Variants in ERMARD observed in about 807,000 individuals in gnomAD.
The protein encoded by ERMARD is endoplasmic reticulum membrane-associated RNA degradation protein.
In ERMARD, 71 loss-of-function variants were observed where a neutral mutation model predicts 83.9. The ratio of observed to expected loss-of-function variants is 0.85; its 90% CI spans 0.70 to 1.03. ERMARD has a LOEUF of 1.03. Among genes scored for constraint, ERMARD ranks in the 50% least tolerant of loss-of-function variants. The pLI is 0.00. For missense variants in ERMARD, 838 were observed against 810.9 expected (o/e 1.03, Z -0.41); for synonymous variants, 284 against 298.6 (o/e 0.95, Z 0.50).
intron 2 of ERMARD, among the ~76,000 whole-genome samples, chr6:169,754,333 G>A (rs1428951342): frequency 1.3e-5 from 2 of 152,100 alleles, no homozygotes; most frequent in African/African-American, 2.4e-5. Context: ...ATTCTCTGTA[G>A]GAGTCATGTG....
Position 169,753,986 on chromosome 6 carries a change from A to G in ERMARD, c.129A>G (p.Glu43=), listed in dbSNP as rs759210576. 4 of 1,613,478 alleles carry G rather than the reference A, an allele frequency of 2.5e-6. No individual in the cohort carries two copies. The South Asian group carries it at 4.4e-5, about 18-fold the overall frequency. Reference sequence around the variant, plus strand: ...ATAGCATTGTAACTCAGAATGGTGAAGTATGCTGGAAAACAATCACAGACT... The same window carrying G: ...ATAGCATTGTAACTCAGAATGGTGAGGTATGCTGGAAAACAATCACAGACT... ...DINSIVTQNG[E]VCWKTITDCV... The change falls in exon 2 of 18, where the codon GAA becomes GAG. Residue 43 remains glutamate, a synonymous_variant. Coordinates refer to ENST00000366773, the MANE Select transcript of ERMARD (RefSeq NM_018341.3).
chr6:169,767,647 A>G (rs1245181198), intron 10 of ERMARD: 2 of 178,770 alleles, frequency 1.1e-5, no homozygotes, highest in African/African-American at 4.8e-5. Context: ...ACACACAGGC[A>G]TACACATACT....
intron 16 of ERMARD, among the ~76,000 whole-genome samples, chr6:169,778,587 A>G (rs187527711): frequency 1.4e-4 from 21 of 152,328 alleles, no homozygotes; most frequent in South Asian, 2.1e-4. Context: ...AAAGCTTTAC[A>G]TAGATATCGC....
Position 169,751,669 on chromosome 6 carries a change from G to T in ERMARD, c.6+6G>T, listed in dbSNP as rs749903365. On this transcript the variant is annotated splice_donor_region_variant and intron_variant, in intron 1 of 17. Transcript: ENST00000366773. ...GGGCACCGGAAGTTATGGAGGTAGGGCGGGTGTAGGGCCCGGTTCGATCCC... is the reference window on the plus strand; with the variant it reads ...GGGCACCGGAAGTTATGGAGGTAGGTCGGGTGTAGGGCCCGGTTCGATCCC... 6 of 1,556,628 alleles carry T rather than the reference G, an allele frequency of 3.9e-6. No homozygotes were observed. Among genetic ancestry groups the T allele is most frequent in the Non-Finnish European group, 5.2e-6 (6 of 1,150,390 alleles).
chr6:169,758,947 ATG>A lies in ERMARD; in HGVS notation c.508-19_508-18del. The A allele has an allele frequency of 6.3e-7, 1 of 1,590,770 alleles. No individual in the cohort carries two copies. Among genetic ancestry groups the A allele is most frequent in the South Asian group, 1.1e-5 (1 of 88,792 alleles). On this transcript the variant is annotated intron_variant, in intron 5 of 17. Transcript: ENST00000366773. ...ATTCAGTAATTCAGTATAATTAACT[ATG>A]TAATGATTTGCGGATTAGATGAATG...
At chr6:169,751,839 G>T in intron 1 of ERMARD, 176 bp downstream of exon 1, 1 of 956,884 alleles carries the variant, frequency 1.0e-6, no homozygotes, top group Non-Finnish European at 1.4e-6. Context: ...GGTATCGGAC[G>T]CTCGGCCCTG....
intron 2 of ERMARD, among the ~76,000 whole-genome samples, chr6:169,754,775 C>T (rs1277943545): frequency 6.6e-6 from 1 of 151,964 alleles, no homozygotes; most frequent in African/African-American, 2.4e-5. Context: ...GATCAGGAAC[C>T]AAGTAGATGG....
At chr6:169,773,005 G>A (rs1793152135) in intron 12 of ERMARD, 1 of 284,586 alleles carries the variant, frequency 3.5e-6, no homozygotes, top group Admixed American at 4.7e-5. Context: ...TAGTGTTTAA[G>A]TAACTATTTC....
intron 16 of ERMARD, among the ~76,000 whole-genome samples, chr6:169,777,278 A>G (rs1459371764): frequency 6.6e-6 from 1 of 152,210 alleles, no homozygotes; most frequent in East Asian, 1.9e-4. Flanking sequence ...TGGGAAGATC[A>G]GCTAGCAACT....
chr6:169,774,609 T>G (rs1268664080), intron 13 of ERMARD, among the ~76,000 whole-genome samples: 2 of 152,228 alleles, frequency 1.3e-5, no homozygotes, highest in African/African-American at 2.4e-5. Flanking sequence ...CAGGCAGCTT[T>G]GCATCCTGGG....
In ERMARD at chr6:169,760,714, T is replaced by TA; in HGVS notation, c.816dup (p.Pro273ThrfsTer17). On this transcript the variant is annotated frameshift_variant, in exon 8 of 18. Coordinates refer to ENST00000366773, the MANE Select transcript of ERMARD (RefSeq NM_018341.3). LOFTEE classifies it high-confidence loss of function. ...TCTGCTTTTATATTAAAAATCATGTTACCATATTGGGAAGTTGCACTGGTC... is the reference window on the plus strand; with the variant it reads ...TCTGCTTTTATATTAAAAATCATGTTAACCATATTGGGAAGTTGCACTGGTC... 6.2e-7 allele frequency: 1 copy of TA among 1,614,034 alleles called. No individual in the cohort carries two copies.
In ERMARD at chr6:169,755,346, C is replaced by T; in HGVS notation, c.239C>T (p.Ser80Leu). The T allele has an allele frequency of 1.9e-6, 3 of 1,614,184 alleles. No homozygotes were observed. The highest frequency in any genetic ancestry group is 2.5e-6 in the Non-Finnish European group (3 of 1,180,036). ...GGCCCTGTGTGTGAGGCTGTCCATT[C>T]ACATTTCTTATCTCTGACCAAGGGG... ...LLGPVCEAVH[S>L]HFLSLTKGQF... The change falls in exon 3 of 18, where the codon TCA (serine) becomes TTA (leucine). Residue 80 changes from serine (S) to leucine (L), a missense_variant. Physicochemically the swap from Ser to Leu is moderately radical, Grantham distance 145. Coordinates refer to ENST00000366773, the MANE Select transcript of ERMARD (RefSeq NM_018341.3).
chr6:169,776,744 C>T, intron 16 of ERMARD, 71 bp downstream of exon 16: 1 of 1,547,754 alleles, frequency 6.5e-7, no homozygotes, highest in Non-Finnish European at 8.8e-7. Flanking sequence ...AGTTCTAGTC[C>T]TCACTTCCAG....
chr6:169,760,763 A>G lies in ERMARD; in HGVS notation c.857+7A>G, dbSNP rs766008787. 3 of 1,595,222 alleles carry G rather than the reference A, an allele frequency of 1.9e-6. No homozygotes were observed. Among genetic ancestry groups the G allele is most frequent in the Non-Finnish European group, 2.6e-6 (3 of 1,163,152 alleles). On this transcript the variant is annotated splice_region_variant and intron_variant, in intron 8 of 17. Transcript: ENST00000366773. ...TCAAGTTCAAGTCACACAGGTAACT[A>G]AAGGGTACATGGCAGAGTGGTTTGC...
At position 169,753,322 on chromosome 6, in the gene ERMARD, T is replaced by A. The variant is rs554628131; in HGVS notation, c.7-542T>A. The A allele has an allele frequency of 3.2e-5, 5 of 154,502 alleles. 1 individual carries two copies. The highest frequency in any genetic ancestry group is 9.6e-5 in the African/African-American group (4 of 41,632). The allele number at this position is 154,502 out of a possible 1,614,324, so 9.6% of individuals were successfully genotyped here. ...TTGTTGTTTTTATATCGAAGAGGCA[T>A]GTTTTGGGATGACATTGTGGTTTTC... On this transcript the variant is annotated intron_variant, in intron 1 of 17. Transcript: ENST00000366773.
rs1053230576 is a variant in ERMARD at position 169,774,886 on chromosome 6, C to A, written c.1318-384C>A. 3.3e-5 allele frequency among the ~76,000 whole-genome samples: 5 copies of A among 152,218 alleles called. No individual in the cohort carries two copies. In the East Asian group the frequency reaches 7.7e-4, roughly 23 times the overall value. On this transcript the variant is annotated intron_variant, in intron 13 of 17. Coordinates refer to ENST00000366773, the MANE Select transcript of ERMARD (RefSeq NM_018341.3). ...TGCTGCACCTCGAGTGCGGCCTGAA[C>A]TGGAGAGGCACCTGCACCTCTGACA...
rs1791681151 is a variant in ERMARD, at chr6:169,762,487, T to G, written c.916T>G (p.Phe306Val). The change falls in exon 9 of 18, where the codon TTT (phenylalanine) becomes GTT (valine). Residue 306 changes from phenylalanine to valine, a missense_variant. Coordinates refer to ENST00000366773, the MANE Select transcript of ERMARD (RefSeq NM_018341.3). ...TQLETGLRNV[F>V]ATLNRCPKRL... ...ACTGGAGACTGGACTTAGGAATGTT[T>G]TTGCCACACTTAACAGATGTCCAAA... 3 of 1,614,110 alleles carry G rather than the reference T, an allele frequency of 1.9e-6. No individual in the cohort carries two copies. In the African/African-American group the frequency reaches 4.0e-5, roughly 22 times the overall value.
chr6:169,758,164 C>T (rs1429864132), intron 5 of ERMARD, among the ~76,000 whole-genome samples: 1 of 152,202 alleles, frequency 6.6e-6, no homozygotes, highest in Non-Finnish European at 1.5e-5. Context: ...AGAATGCGTC[C>T]ATATTCCCTT....
chr6:169,759,070 G>A lies in ERMARD; in HGVS notation c.605+5G>A, dbSNP rs761276163. On this transcript the variant is annotated splice_donor_5th_base_variant and intron_variant, in intron 6 of 17. Transcript: ENST00000366773. ...ACCTGAAGAAATTCCTCCAAAGTAA[G>A]TTGCAAGTGAAGACATTTTCTTCCT... 6 of 1,611,410 alleles carry A rather than the reference G, an allele frequency of 3.7e-6. No homozygotes were observed. The South Asian group carries it at 6.6e-5, about 18-fold the overall frequency.
Sources: allele counts gnomAD v4.1 joint callset (sites outside exome capture counted in the v4.1 genomes callset), GRCh38; gene constraint gnomAD v4.1.1; transcripts MANE v1.5; gene names NCBI Gene and HGNC (gene_info 2026-07-23, HGNC 2026-07-21).